The following UBE2K variants were observed in gnomAD, a reference collection of about 807,000 sequenced individuals.
UBE2K encodes the protein ubiquitin-conjugating enzyme E2 K.
UBE2K carries 6 observed loss-of-function variants against 30.0 expected under a neutral mutation model. That is an observed-to-expected ratio of 0.20 (90% confidence interval 0.11 to 0.39). The LOEUF (loss-of-function observed/expected upper bound fraction) is 0.39, where lower values mean the gene tolerates loss of function less well. UBE2K is among the 10% of genes least tolerant of loss of function. The pLI is 1.00. For synonymous variants in UBE2K, 86 were observed against 83.7 expected, an observed-to-expected ratio of 1.03 and a Z score of -0.15; for missense variants, 61 against 241.6, an observed-to-expected ratio of 0.25 and a Z score of 4.96.
At position 39,779,042 on chromosome 4, in the gene UBE2K, A is replaced by ACCCCCCCCCCCCCCCCCCCCTCCC. The variant is rs3839130; in HGVS notation, c.*616_*617insCCCCCCCCCCCCTCCCCCCCCCCC. On this transcript the variant is annotated 3_prime_UTR_variant, in exon 7 of 7. Transcript: ENST00000261427. ...TGGGACAGTGTCTGATTCCCCCTTC[A>ACCCCCCCCCCCCCCCCCCCCTCCC]CCCCCCCCACCCCCGCCTTGCCACA... 9 of 128,208 alleles carry ACCCCCCCCCCCCCCCCCCCCTCCC rather than the reference A, an allele frequency of 7.0e-5. No individual in the cohort carries two copies. The highest frequency in any genetic ancestry group is 2.5e-4 in the South Asian group (1 of 4,008). 7.9% of individuals were successfully genotyped at this position (128,208 alleles called of 1,614,324 possible).
chr4:39,718,180 A>G (rs892037135), intron 1 of UBE2K, among the ~76,000 whole-genome samples: 1 of 152,106 alleles, frequency 6.6e-6, no homozygotes, highest in South Asian at 2.1e-4. Flanking sequence ...TCTGTTTTAC[A>G]GAGAGTTGAT....
intron 1 of UBE2K, among the ~76,000 whole-genome samples, chr4:39,701,717 C>A (rs1165194714): frequency 1.3e-5 from 2 of 151,046 alleles, no homozygotes; most frequent in East Asian, 3.9e-4. Flanking sequence ...ATAAGTGTTA[C>A]CTATAATTAA....
At chr4:39,762,485 G>C (rs906105106) in intron 4 of UBE2K, among the ~76,000 whole-genome samples, 14 of 152,202 alleles carry the variant, frequency 9.2e-5, no homozygotes, top group Admixed American at 7.9e-4. Flanking sequence ...TCTTCAGGCT[G>C]TATAGGAAGT....
intron 1 of UBE2K, among the ~76,000 whole-genome samples, chr4:39,705,984 C>T (rs1349069683): frequency 1.3e-5 from 2 of 149,954 alleles, no homozygotes; most frequent in Admixed American, 6.6e-5. Context: ...GCTGGGATCC[C>T]GGGATTACAG....
intron 1 of UBE2K, among the ~76,000 whole-genome samples, chr4:39,722,306 G>A (rs1307685877): frequency 6.6e-6 from 1 of 151,966 alleles, no homozygotes; most frequent in Non-Finnish European, 1.5e-5. Context: ...TTAGCTTCAG[G>A]TTAAACATTT....
At chr4:39,720,747 T>C (rs1719375034) in intron 1 of UBE2K, among the ~76,000 whole-genome samples, 1 of 152,214 alleles carries the variant, frequency 6.6e-6, no homozygotes, top group African/African-American at 2.4e-5. Context: ...TATGTATATA[T>C]GTTTTTATTT....
chr4:39,753,588 T>C (rs1393341625), intron 3 of UBE2K, among the ~76,000 whole-genome samples: 2 of 152,164 alleles, frequency 1.3e-5, no homozygotes, highest in Non-Finnish European at 2.9e-5. Flanking sequence ...ATTAATATAC[T>C]ATGACAAAGG....
chr4:39,717,598 C>T (rs1206141273), intron 1 of UBE2K, among the ~76,000 whole-genome samples: 2 of 152,184 alleles, frequency 1.3e-5, no homozygotes, highest in Non-Finnish European at 2.9e-5. Flanking sequence ...TACAATGTTA[C>T]ATCATTCTCT....
At chr4:39,707,890 TG>T (rs1718454860) in intron 1 of UBE2K, among the ~76,000 whole-genome samples, 1 of 131,512 alleles carries the variant, frequency 7.6e-6, no homozygotes, top group South Asian at 2.7e-4. Context: ...AAAGGAATTC[TG>T]GTAATATTGC....
intron 4 of UBE2K, among the ~76,000 whole-genome samples, chr4:39,773,423 G>A (rs776771347): frequency 6.6e-6 from 1 of 151,950 alleles, no homozygotes; most frequent in Non-Finnish European, 1.5e-5. Flanking sequence ...AGCCGAGATC[G>A]CGCCACTGCA....
chr4:39,763,879 A>G (rs1296467927), intron 4 of UBE2K, among the ~76,000 whole-genome samples: 1 of 151,956 alleles, frequency 6.6e-6, no homozygotes, highest in Admixed American at 6.6e-5. Context: ...AACTGTAACT[A>G]CAGTCACGTG....
intron 5 of UBE2K, among the ~76,000 whole-genome samples, chr4:39,775,414 A>G (rs1301153585): frequency 6.6e-6 from 1 of 152,188 alleles, no homozygotes; most frequent in Non-Finnish European, 1.5e-5. Context: ...TATTAGTTAC[A>G]ACGGAGACTG....
At chr4:39,701,728 CTT>C (rs1169294115) in intron 1 of UBE2K, among the ~76,000 whole-genome samples, 1 of 150,818 alleles carries the variant, frequency 6.6e-6, no homozygotes, top group African/African-American at 2.4e-5. Flanking sequence ...CTATAATTAA[CTT>C]TAAGATGTAC....
At chr4:39,745,686 C>A (rs1720952458) in intron 2 of UBE2K, 66 bp from the exon 3 acceptor site, 2 of 1,037,370 alleles carry the variant, frequency 1.9e-6, no homozygotes, top group South Asian at 1.5e-5. Flanking sequence ...AAAAGCTCAT[C>A]AGTATATTTG....
intron 4 of UBE2K, chr4:39,770,535 A>G: frequency 6.2e-7 from 1 of 1,600,288 alleles, no homozygotes; most frequent in South Asian, 1.1e-5. Flanking sequence ...CCCCCGGGCA[A>G]CCATGGCCGC....
At chr4:39,709,316 A>G (rs1282611070) in intron 1 of UBE2K, among the ~76,000 whole-genome samples, 2 of 152,036 alleles carry the variant, frequency 1.3e-5, no homozygotes, top group Non-Finnish European at 2.9e-5. Flanking sequence ...GCCTCAAGAA[A>G]AGCTCAAGAT....
chr4:39,710,879 T>C (rs888138774), intron 1 of UBE2K, among the ~76,000 whole-genome samples: 1 of 152,064 alleles, frequency 6.6e-6, no homozygotes, highest in African/African-American at 2.4e-5. Context: ...ATTTAACAGA[T>C]AGTAATCTTC....
At chr4:39,739,943 G>T (rs1359533648) in intron 2 of UBE2K, among the ~76,000 whole-genome samples, 4 of 152,088 alleles carry the variant, frequency 2.6e-5, no homozygotes, top group African/African-American at 9.7e-5. Flanking sequence ...GTTCATACGA[G>T]CCATTTCTAG....
chr4:39,701,686 T>G (rs1214400141), intron 1 of UBE2K, among the ~76,000 whole-genome samples: 2 of 152,198 alleles, frequency 1.3e-5, no homozygotes, highest in African/African-American at 4.8e-5. Context: ...CAGTTTAATT[T>G]GCTAGTTTAA....
Sources: allele counts gnomAD v4.1 joint callset (sites outside exome capture counted in the v4.1 genomes callset), GRCh38; gene constraint gnomAD v4.1.1; transcripts MANE v1.5; gene names NCBI Gene and HGNC (gene_info 2026-07-23, HGNC 2026-07-21).